DOCK3: variants seen among roughly 807,000 people sequenced by gnomAD.
DOCK3 encodes the protein dedicator of cytokinesis 3.
DOCK3 carries 60 observed loss-of-function variants against 265.6 expected under a neutral mutation model. That is an observed-to-expected ratio of 0.23 (90% CI 0.18 to 0.28). The LOEUF is 0.28. Ranked by LOEUF, DOCK3 falls within the 10% of genes least tolerant of loss-of-function variation. The pLI, the probability that DOCK3 is intolerant of heterozygous loss-of-function variation, is 1.00. For missense variants in DOCK3, 1,981 were observed against 2,594.3 expected, an observed-to-expected ratio of 0.76 and a Z score of 5.14; for synonymous variants, 881 against 938.0, an observed-to-expected ratio of 0.94 and a Z score of 1.11.
intron 32 of DOCK3, among the ~76,000 whole-genome samples, chr3:51,326,920 C>T (rs1248096690): frequency 6.6e-6 from 1 of 152,110 alleles, no homozygotes; most frequent in Non-Finnish European, 1.5e-5. Flanking sequence ...CCACCTCTCC[C>T]AGCCCCTAAT....
rs9839792 is a variant in DOCK3, at chr3:51,158,437, T to G, written c.829-807T>G. Reference sequence around the variant, plus strand: ...GGTGCACACCTGTAGTACCAGTTACTTGGGAGGCTGAGGTGGGAGAATCGC... The same window carrying G: ...GGTGCACACCTGTAGTACCAGTTACGTGGGAGGCTGAGGTGGGAGAATCGC... On this transcript the variant is annotated intron_variant, in intron 10 of 52. Coordinates refer to ENST00000266037, the MANE Select transcript of DOCK3 (RefSeq NM_004947.5). 3.7e-3 allele frequency among the ~76,000 whole-genome samples: 560 copies of G among 152,188 alleles called. 4 individuals are homozygous for G. The highest frequency in any genetic ancestry group is 0.013 in the African/African-American group (537 of 41,516).
intron 1 of DOCK3, among the ~76,000 whole-genome samples, chr3:50,695,799 T>TA (rs1559522335): frequency 2.0e-5 from 3 of 152,142 alleles, no homozygotes; most frequent in African/African-American, 7.2e-5. Flanking sequence ...CACCATCTGT[T>TA]AAAAGAAAAA....
chr3:51,304,771 C>T (rs571281260), intron 27 of DOCK3, among the ~76,000 whole-genome samples: 134 of 152,324 alleles, frequency 8.8e-4, no homozygotes, highest in Admixed American at 1.7e-3. Flanking sequence ...CTTTTCCTCA[C>T]TTTCCGTGGG....
Position 51,310,281 on chromosome 3 carries a change from G to A in DOCK3, c.2972G>A (p.Ser991Asn). Residue 991 changes from serine to asparagine, a missense_variant, in exon 28 of 53, where the codon AGT (serine) becomes AAT (asparagine). Coordinates refer to ENST00000266037, the MANE Select transcript of DOCK3 (RefSeq NM_004947.5). Reference protein sequence around the residue: ...FCVFRNLMKMSVFPRDWMVMR... With the variant: ...FCVFRNLMKMNVFPRDWMVMR... ...GTGTTCCGGAACCTGATGAAGATGAGTGTCTTCCCTCGGGACTGGATGGTA... is the reference window on the plus strand; with the variant it reads ...GTGTTCCGGAACCTGATGAAGATGAATGTCTTCCCTCGGGACTGGATGGTA... The A allele has an allele frequency of 6.2e-7, 1 of 1,606,652 alleles. No individual in the cohort carries two copies. The highest frequency in any genetic ancestry group is 2.2e-5 in the East Asian group (1 of 44,774).
At position 51,227,378 on chromosome 3, in the gene DOCK3, C is replaced by T; in HGVS notation, c.1473C>T (p.Ile491=). 1 of 1,613,946 alleles carries T rather than the reference C, an allele frequency of 6.2e-7. No homozygotes were observed. The highest frequency in any genetic ancestry group is 8.5e-7 in the Non-Finnish European group (1 of 1,179,848). ...ATAGTCCTCGCTGGGGAGAAATTAT[C>T]AAATTGCCTATCCCCATTGACCGGT... The part of the protein sequence containing the change: ...HSNSPRWGEI[I]KLPIPIDRFR... Residue 491 remains isoleucine (I), a synonymous_variant, in exon 16 of 53, where the codon ATC becomes ATT. Transcript: ENST00000266037.
chr3:51,043,808 A>C (rs1201939869), intron 5 of DOCK3, among the ~76,000 whole-genome samples: 1 of 152,200 alleles, frequency 6.6e-6, no homozygotes, highest in Non-Finnish European at 1.5e-5. Context: ...ACATGCGGCC[A>C]ACAATCGTAT....
intron 9 of DOCK3, among the ~76,000 whole-genome samples, chr3:51,117,860 T>G (rs1273387439): frequency 1.3e-5 from 2 of 152,114 alleles, no homozygotes. Flanking sequence ...CTTTTATTCT[T>G]TATGAGTCTG....
intron 2 of DOCK3, among the ~76,000 whole-genome samples, chr3:50,840,320 C>T (rs953387720): frequency 6.6e-6 from 1 of 152,172 alleles, no homozygotes; most frequent in Non-Finnish European, 1.5e-5. Context: ...AGATTTTCTC[C>T]TGTGTTGTTG....
intron 21 of DOCK3, among the ~76,000 whole-genome samples, chr3:51,239,296 G>A (rs1012203455): frequency 3.3e-5 from 5 of 151,744 alleles, no homozygotes; most frequent in African/African-American, 9.7e-5. Context: ...TGTAACCTGC[G>A]CCTCCTGGGT....
intron 17 of DOCK3, 54 bp downstream of exon 17, chr3:51,228,142 C>G (rs369814200): frequency 5.1e-6 from 8 of 1,554,922 alleles, no homozygotes; most frequent in Non-Finnish European, 6.2e-6. Context: ...TGAGGCCACT[C>G]TCACACATGG....
chr3:50,870,741 T>C (rs940651872), intron 3 of DOCK3, among the ~76,000 whole-genome samples: 2 of 150,600 alleles, frequency 1.3e-5, no homozygotes, highest in African/African-American at 4.8e-5. Context: ...TGTGGTGATA[T>C]GATTTAATTT....
At chr3:51,065,763 A>G (rs2109287038) in intron 6 of DOCK3, among the ~76,000 whole-genome samples, 1 of 152,322 alleles carries the variant, frequency 6.6e-6, no homozygotes, top group Admixed American at 6.5e-5. Context: ...CCAGAAAGGG[A>G]AACTTGCCAG....
At chr3:51,054,145 AAG>A (rs1269413794) in intron 5 of DOCK3, among the ~76,000 whole-genome samples, 24 of 150,530 alleles carry the variant, frequency 1.6e-4, no homozygotes, top group African/African-American at 5.6e-4. Context: ...AAAAAAAAAA[AAG>A]AGTTTGTGGG....
chr3:51,051,368 C>T (rs953824156), intron 5 of DOCK3, among the ~76,000 whole-genome samples: 17 of 152,306 alleles, frequency 1.1e-4, no homozygotes, highest in Admixed American at 1.0e-3. Flanking sequence ...TTTGGAAACA[C>T]AACTAGAAGA....
intron 1 of DOCK3, among the ~76,000 whole-genome samples, chr3:50,700,133 G>T (rs1348294181): frequency 6.6e-6 from 1 of 152,092 alleles, no homozygotes; most frequent in East Asian, 1.9e-4. Context: ...TATGAAATCA[G>T]CCAGATGTAG....
chr3:50,877,342 T>G (rs1197329002), intron 3 of DOCK3: 1 of 434,312 alleles, frequency 2.3e-6, no homozygotes, highest in Non-Finnish European at 4.6e-6. Context: ...GTTGAACTTC[T>G]TTCAGCATTG....
At chr3:50,812,184 T>C (rs756675840) in intron 2 of DOCK3, among the ~76,000 whole-genome samples, 28 of 152,094 alleles carry the variant, frequency 1.8e-4, no homozygotes, top group Non-Finnish European at 3.7e-4. Context: ...TAGGTGTGGC[T>C]CTCCAGGTGG....
chr3:51,353,640 A>G (rs770708573), intron 40 of DOCK3, among the ~76,000 whole-genome samples: 3 of 152,164 alleles, frequency 2.0e-5, no homozygotes, highest in Non-Finnish European at 4.4e-5. Context: ...ATACAGACAC[A>G]TGGCCCAGCC....
intron 5 of DOCK3, among the ~76,000 whole-genome samples, chr3:50,982,576 G>A (rs1319711973): frequency 1.3e-5 from 2 of 152,190 alleles, no homozygotes; most frequent in Admixed American, 6.5e-5. Flanking sequence ...CCAGACCCTG[G>A]CCCTGTGTTG....
Sources: allele counts gnomAD v4.1 joint callset (sites outside exome capture counted in the v4.1 genomes callset), GRCh38; gene constraint gnomAD v4.1.1; transcripts MANE v1.5; gene names NCBI Gene and HGNC (gene_info 2026-07-23, HGNC 2026-07-21).